ORMDL3: variants seen among roughly 807,000 people sequenced by gnomAD.
ORMDL3 encodes ORM1-like protein 3.
In ORMDL3, 6 loss-of-function variants were observed where a neutral mutation model predicts 12.6. That is an observed-to-expected ratio of 0.48 (90% CI 0.26 to 0.94). The LOEUF is 0.94. Ranked by LOEUF, ORMDL3 falls within the 40% of genes least tolerant of loss-of-function variation. ORMDL3 has a pLI of 0.14. For synonymous variants in ORMDL3, 99 were observed against 87.2 expected (o/e 1.14, Z -0.75); for missense variants, 159 against 205.5 (o/e 0.77, Z 1.38).
chr17:39,924,318 C>T, intron 1 of ORMDL3, 93 bp from the exon 2 acceptor site: 3 of 1,232,464 alleles, frequency 2.4e-6, no homozygotes, highest in South Asian at 3.1e-5. Flanking sequence ...CCTTGTTTCC[C>T]TGAGAACTCC....
rs1384886608 is a variant in ORMDL3, at chr17:39,927,554, G to GT, written c.-94dup. The GT allele has an allele frequency of 2.1e-5, 21 of 985,426 alleles. No homozygotes were observed. The highest frequency in any genetic ancestry group is 2.4e-5 in the Non-Finnish European group (20 of 830,002). The allele number at this position is 985,426 out of a possible 1,614,324, so 61.0% of individuals were successfully genotyped here. A position where few individuals can be genotyped will look rare whatever the true frequency, so the allele number is the denominator to read the frequency against. ...GGGGGCCGCTGCTGCTCCAGCAGCT[G>GT]TAACAACCCGCGGCTGCAGCCTCCC... On this transcript the variant is annotated 5_prime_UTR_variant, in exon 1 of 4. Transcript: ENST00000304046.
At chr17:39,925,782 C>A (rs985515324) in intron 1 of ORMDL3, 2 of 152,246 alleles carry the variant, frequency 1.3e-5, no homozygotes, top group Non-Finnish European at 1.5e-5. Flanking sequence ...CAGCCTGGGG[C>A]GCATTCTGAT....
At position 39,927,472 on chromosome 17, in the gene ORMDL3, T is replaced by A. The variant is rs1978497749; in HGVS notation, c.-23+12A>T. Reference sequence around the variant, plus strand: ...CGTAGCCCTGGGGCCTCTTGGTTCCTTCCGGGCTCACCGTGTGGGGCCGAA... The same window carrying A: ...CGTAGCCCTGGGGCCTCTTGGTTCCATCCGGGCTCACCGTGTGGGGCCGAA... On this transcript the variant is annotated intron_variant, in intron 1 of 3. Coordinates refer to ENST00000304046, the MANE Select transcript of ORMDL3 (RefSeq NM_139280.4). 48 of 985,264 alleles carry A rather than the reference T, an allele frequency of 4.9e-5. No homozygotes were observed. The highest frequency in any genetic ancestry group is 5.5e-5 in the Non-Finnish European group (46 of 829,976). 61.0% of individuals were successfully genotyped at this position (985,264 alleles called of 1,614,324 possible).
Position 39,922,267 on chromosome 17 carries a change from C to T in ORMDL3, c.*283G>A. ...CGTGGTCCATGTTCAGCCCAGGAGC[C>T]CAGCCCATTCCATGACCAACTCCAT... On this transcript the variant is annotated 3_prime_UTR_variant, in exon 4 of 4. Transcript: ENST00000304046. 1 of 296,184 alleles carries T rather than the reference C, an allele frequency of 3.4e-6. No individual in the cohort carries two copies. The highest frequency in any genetic ancestry group is 6.7e-5 in the East Asian group (1 of 15,032). 18.3% of individuals were successfully genotyped at this position (296,184 alleles called of 1,614,324 possible). A position where few individuals can be genotyped will look rare whatever the true frequency, so the allele number is the denominator to read the frequency against.
In ORMDL3 at chr17:39,922,485, T is replaced by C; in HGVS notation, c.*65A>G. ...AGGCTTCTTCTTTCTGTCTTCAGTGTTGCAGCACATGCCTTTTACCCTACC... is the reference window on the plus strand; with the variant it reads ...AGGCTTCTTCTTTCTGTCTTCAGTGCTGCAGCACATGCCTTTTACCCTACC... On this transcript the variant is annotated 3_prime_UTR_variant, in exon 4 of 4. Coordinates refer to ENST00000304046, the MANE Select transcript of ORMDL3 (RefSeq NM_139280.4). 1 of 1,539,370 alleles carries C rather than the reference T, an allele frequency of 6.5e-7. No homozygotes were observed. Among genetic ancestry groups the C allele is most frequent in the South Asian group, 1.2e-5 (1 of 82,402 alleles).
chr17:39,922,580 T>C lies in ORMDL3; in HGVS notation c.432A>G (p.Gly144=), dbSNP rs1272018691. Residue 144 remains glycine (G), a synonymous_variant, in exon 4 of 4, where the codon GGA becomes GGG. Coordinates refer to ENST00000304046, the MANE Select transcript of ORMDL3 (RefSeq NM_139280.4). ...VLIPKLPQLH[G]VRIFGINKY is the part of the protein sequence containing the mutation. The stretch of plus-strand genomic sequence containing the variant: ...ACTTATTGATTCCAAAAATCCGGAC[T>C]CCGTGGAGCTGGGGCAGCTTGGGGA... 6.2e-7 allele frequency: 1 copy of C among 1,614,054 alleles called. No individual in the cohort carries two copies. Among genetic ancestry groups the C allele is most frequent in the South Asian group, 1.1e-5 (1 of 91,084 alleles).
chr17:39,927,166 G>A, intron 1 of ORMDL3: 1 of 290,180 alleles, frequency 3.4e-6, no homozygotes, highest in Non-Finnish European at 5.1e-6. Flanking sequence ...AACCCGGTCC[G>A]GTCCGGGACC....
At chr17:39,927,050 A>G in intron 1 of ORMDL3, 1 of 964,162 alleles carries the variant, frequency 1.0e-6, no homozygotes, top group Non-Finnish European at 1.2e-6. Context: ...GGAGGAGCGA[A>G]GAGGCGGAGT....
At chr17:39,924,003 A>G (rs1428657719) in intron 2 of ORMDL3, 27 bp downstream of exon 2, 5 of 1,569,674 alleles carry the variant, frequency 3.2e-6, no homozygotes, top group Non-Finnish European at 4.3e-6. Context: ...GGGCAGGGGC[A>G]GGGGCAGGCA....
At chr17:39,923,410 A>G in intron 2 of ORMDL3, 147 bp from the exon 3 acceptor site, 1 of 876,104 alleles carries the variant, frequency 1.1e-6, no homozygotes, top group Non-Finnish European at 1.8e-6. Context: ...GTCAGGATGG[A>G]GCAGCTGGGA....
At chr17:39,924,610 A>G (rs1410859470) in intron 1 of ORMDL3, 2 of 191,514 alleles carry the variant, frequency 1.0e-5, no homozygotes, top group Non-Finnish European at 2.2e-5. Context: ...CTCACTCAGC[A>G]CAACCCCTGC....
intron 1 of ORMDL3, chr17:39,927,068 G>C: frequency 1.1e-6 from 1 of 935,098 alleles, no homozygotes; most frequent in Non-Finnish European, 1.3e-6. Context: ...AGTCCTCACT[G>C]TTGTTGGGGT....
At position 39,924,192 on chromosome 17, in the gene ORMDL3, G is replaced by A; in HGVS notation, c.12C>T (p.Gly4=). The change falls in exon 2 of 4, where the codon GGC becomes GGT. Residue 4 remains glycine (G), a synonymous_variant. Coordinates refer to ENST00000304046, the MANE Select transcript of ORMDL3 (RefSeq NM_139280.4). ...TGGGGTTCACCTCGCTGTGCGCTGTGCCCACATTCATCCTGCTGCCCCTCT... is the reference window on the plus strand; with the variant it reads ...TGGGGTTCACCTCGCTGTGCGCTGTACCCACATTCATCCTGCTGCCCCTCT... MNV[G]TAHSEVNPNT... is the part of the protein sequence containing the mutation. The A allele has an allele frequency of 1.9e-6, 3 of 1,607,476 alleles. No individual in the cohort carries two copies. The South Asian group carries it at 3.3e-5, about 18-fold the overall frequency.
intron 1 of ORMDL3, chr17:39,924,611 C>G: frequency 5.2e-6 from 1 of 190,678 alleles, no homozygotes; most frequent in Non-Finnish European, 1.1e-5. Flanking sequence ...TCACTCAGCA[C>G]AACCCCTGCT....
At chr17:39,927,069 T>C (rs1218779082) in intron 1 of ORMDL3, 2 of 934,612 alleles carry the variant, frequency 2.1e-6, no homozygotes, top group African/African-American at 3.6e-5. Flanking sequence ...GTCCTCACTG[T>C]TGTTGGGGTT....
intron 1 of ORMDL3, chr17:39,927,122 C>T (rs1978473425): frequency 1.7e-6 from 1 of 579,882 alleles, no homozygotes; most frequent in Admixed American, 6.3e-5. Context: ...GGAGGGGTCC[C>T]GCTCTGTTCC....
chr17:39,922,854 C>A (rs1313786123), intron 3 of ORMDL3, among the ~76,000 whole-genome samples, 169 bp from the exon 4 acceptor site: 1 of 152,200 alleles, frequency 6.6e-6, no homozygotes. Flanking sequence ...CCCCTCCTGG[C>A]CCAGTACCGC....
At chr17:39,923,937 G>A (rs1978319109) in intron 2 of ORMDL3, 93 bp downstream of exon 2, 2 of 1,325,276 alleles carry the variant, frequency 1.5e-6, no homozygotes, top group South Asian at 1.5e-5. Context: ...ACCTGGGCCA[G>A]GCCCGACAGG....
Position 39,927,568 on chromosome 17 carries a change from C to T in ORMDL3, c.-107G>A. On this transcript the variant is annotated 5_prime_UTR_variant, in exon 1 of 4. Coordinates refer to ENST00000304046, the MANE Select transcript of ORMDL3 (RefSeq NM_139280.4). ...CTCCAGCAGCTGTAACAACCCGCGG[C>T]TGCAGCCTCCCCGCTGGCAGCTCCG... is the stretch of plus-strand genomic sequence containing the variant. 1 of 985,620 alleles carries T rather than the reference C, an allele frequency of 1.0e-6. No individual in the cohort carries two copies. The highest frequency in any genetic ancestry group is 1.2e-6 in the Non-Finnish European group (1 of 830,060). The allele number at this position is 985,620 out of a possible 1,614,324, so 61.1% of individuals were successfully genotyped here. A position where few individuals can be genotyped will look rare whatever the true frequency, so the allele number is the denominator to read the frequency against.
Sources: allele counts gnomAD v4.1 joint callset (sites outside exome capture counted in the v4.1 genomes callset), GRCh38; gene constraint gnomAD v4.1.1; transcripts MANE v1.5; gene names NCBI Gene and HGNC (gene_info 2026-07-23, HGNC 2026-07-21).